Variants in SYNJ2 observed in about 807,000 individuals in gnomAD.
SYNJ2 encodes polyphosphatidylinositol phosphatase SYNJ2.
In SYNJ2, 116 loss-of-function variants were observed where a neutral mutation model predicts 141.3. That is an observed-to-expected ratio of 0.82 (90% CI 0.71 to 0.96). The LOEUF is 0.96. Among genes scored for constraint, SYNJ2 ranks in the 40% least tolerant of loss-of-function variants. The probability of loss-of-function intolerance (pLI) is 0.00; values close to 1 mark genes in which losing one functional copy is unlikely to be tolerated. For missense variants in SYNJ2, 1,873 were observed against 1,934.8 expected, an observed-to-expected ratio of 0.97 and a Z score of 0.60; for synonymous variants, 745 against 777.7, an observed-to-expected ratio of 0.96 and a Z score of 0.70.
At chr6:158,038,988 T>C (rs1779790235) in intron 4 of SYNJ2, among the ~76,000 whole-genome samples, 1 of 151,112 alleles carries the variant, frequency 6.6e-6, no homozygotes, top group Non-Finnish European at 1.5e-5. Context: ...TGGTGGGGGG[T>C]CAGCATTCCT....
At chr6:158,011,369 C>T (rs1298593285) in intron 1 of SYNJ2, among the ~76,000 whole-genome samples, 1 of 152,100 alleles carries the variant, frequency 6.6e-6, no homozygotes, top group African/African-American at 2.4e-5. Flanking sequence ...CTGGGGCCTC[C>T]CAGTTTGTTT....
At position 158,017,254 on chromosome 6, in the gene SYNJ2, G is replaced by A. The variant is rs778928276; in HGVS notation, c.178G>A (p.Ala60Thr). Residue 60 changes from alanine (A) to threonine (T), a missense_variant, in exon 2 of 27, where the codon GCG becomes ACG. Coordinates refer to ENST00000355585, the MANE Select transcript of SYNJ2 (RefSeq NM_003898.4). ...IKGQYGKLTDAYGCLGELRLK... is the reference protein window; with the variant it reads ...IKGQYGKLTDTYGCLGELRLK... Reference sequence around the variant, plus strand: ...AGGACAGTATGGCAAGCTCACGGACGCGTACGGCTGCCTGGGGGAGCTGAG... The same window carrying A: ...AGGACAGTATGGCAAGCTCACGGACACGTACGGCTGCCTGGGGGAGCTGAG... 49 of 1,613,840 alleles carry A rather than the reference G, an allele frequency of 3.0e-5. No homozygotes were observed. Among genetic ancestry groups the A allele is most frequent in the Middle Eastern group, 3.3e-4 (2 of 6,082 alleles).
At position 158,070,317 on chromosome 6, in the gene SYNJ2, A is replaced by T. The variant is rs1781840219; in HGVS notation, c.1940+644A>T. On this transcript the variant is annotated intron_variant, in intron 14 of 26. Coordinates refer to ENST00000355585, the MANE Select transcript of SYNJ2 (RefSeq NM_003898.4). The surrounding 1 kb of genome is among the most constrained non-coding windows in gnomAD (Gnocchi z 4.0). ...CAGCAGGCGTTGAACTGACCTCCCC[A>T]CTGAGCCCCTGGGTCCCGGGAAGGG... The T allele has an allele frequency of 7.1e-6, 7 of 985,288 alleles. No individual in the cohort carries two copies. Among genetic ancestry groups the T allele is most frequent in the African/African-American group, 1.7e-5 (1 of 57,162 alleles). 61.0% of individuals were successfully genotyped at this position (985,288 alleles called of 1,614,324 possible). A position where few individuals can be genotyped will look rare whatever the true frequency, so the allele number is the denominator to read the frequency against.
rs1470769647 is a variant in SYNJ2, at chr6:158,070,838, G to A, written c.1941-764G>A. Among the ~76,000 whole-genome samples, 4 of 152,174 alleles carry A rather than the reference G, an allele frequency of 2.6e-5. No homozygotes were observed. The highest frequency in any genetic ancestry group is 5.9e-5 in the Non-Finnish European group (4 of 68,036). On this transcript the variant is annotated intron_variant, in intron 14 of 26. Coordinates refer to ENST00000355585, the MANE Select transcript of SYNJ2 (RefSeq NM_003898.4). This position sits in a 1 kb window ranked among gnomAD's most constrained non-coding sequence, Gnocchi z 4.0. ...TCTGGCATTGCATAAAAGTCCTTTTGAGACCATCTACCCAGCCCAGCATAA... is the reference window on the plus strand; with the variant it reads ...TCTGGCATTGCATAAAAGTCCTTTTAAGACCATCTACCCAGCCCAGCATAA...
In SYNJ2 at chr6:158,096,585, C is replaced by T; in HGVS notation, c.*221C>T. 2.2e-6 allele frequency: 1 copy of T among 456,876 alleles called. No individual in the cohort carries two copies. The highest frequency in any genetic ancestry group is 3.8e-6 in the Non-Finnish European group (1 of 265,296). The allele number at this position is 456,876 out of a possible 1,614,324, so 28.3% of individuals were successfully genotyped here. On this transcript the variant is annotated 3_prime_UTR_variant, in exon 27 of 27. Coordinates refer to ENST00000355585, the MANE Select transcript of SYNJ2 (RefSeq NM_003898.4). ...AAGGCTTGTACATCTGAAGTTTGCT[C>T]TTCAAGGAATGGGAACCTTCCTGTT...
chr6:158,088,672 T>TG lies in SYNJ2; in HGVS notation c.3357dup (p.Lys1120GlufsTer42). 6.2e-7 allele frequency: 1 copy of TG among 1,613,960 alleles called. No individual in the cohort carries two copies. The highest frequency in any genetic ancestry group is 8.5e-7 in the Non-Finnish European group (1 of 1,179,936). ...TTGGTTTTTACAGCCGGTTTAATGG[T>TG]GAAAAAGTCGGCTTCAGATGCGTCC... On this transcript the variant is annotated frameshift_variant, in exon 24 of 27. Coordinates refer to ENST00000355585, the MANE Select transcript of SYNJ2 (RefSeq NM_003898.4). LOFTEE classifies it high-confidence loss of function.
chr6:158,078,364 C>A (rs1782457656), intron 18 of SYNJ2, 83 bp downstream of exon 18: 2 of 889,638 alleles, frequency 2.2e-6, no homozygotes, highest in African/African-American at 1.7e-5. Flanking sequence ...CATGCTGTCC[C>A]CATAAGGATG....
At position 158,061,911 on chromosome 6, in the gene SYNJ2, G is replaced by A. The variant is rs1056325115; in HGVS notation, c.955-81G>A. 4.4e-5 allele frequency: 62 copies of A among 1,424,918 alleles called. 1 individual carries two copies. Among genetic ancestry groups the A allele is most frequent in the Non-Finnish European group, 5.0e-5 (52 of 1,043,324 alleles). 88.3% of individuals were successfully genotyped at this position (1,424,918 alleles called of 1,614,324 possible). ...GGCGAGTCACCTTGGTTAGCCGCACGGGTCAAGCTCTGCAAGGAGCTTGCC... is the reference window on the plus strand; with the variant it reads ...GGCGAGTCACCTTGGTTAGCCGCACAGGTCAAGCTCTGCAAGGAGCTTGCC... On this transcript the variant is annotated intron_variant, in intron 7 of 26. Coordinates refer to ENST00000355585, the MANE Select transcript of SYNJ2 (RefSeq NM_003898.4).
At position 158,017,701 on chromosome 6, in the gene SYNJ2, C is replaced by T. The variant is rs541975870; in HGVS notation, c.214+411C>T. ...AAGTGCTGGGATTACAGCCATGAGC[C>T]GCCGTGCCTGGCCGACCTCTCTTCT... On this transcript the variant is annotated intron_variant, in intron 2 of 26. Coordinates refer to ENST00000355585, the MANE Select transcript of SYNJ2 (RefSeq NM_003898.4). The T allele has an allele frequency of 4.2e-4, 214 of 512,526 alleles. 1 individual carries two copies. The highest frequency in any genetic ancestry group is 4.3e-4 in the Non-Finnish European group (107 of 250,188). The allele number at this position is 512,526 out of a possible 1,614,324, so 31.7% of individuals were successfully genotyped here.
At chr6:158,055,527 G>A (rs1183723524) in intron 6 of SYNJ2, among the ~76,000 whole-genome samples, 1 of 151,946 alleles carries the variant, frequency 6.6e-6, no homozygotes, top group South Asian at 2.1e-4. Flanking sequence ...GTGTGTGTGT[G>A]TGTGTGTGTA....
In SYNJ2 at chr6:157,998,022, G is replaced by C. The variant is rs191019882; in HGVS notation, c.127+15934G>C. ...TGGTTGATCAGTGCAGTGCCTAAGA[G>C]GCCCCTGCTCTATTCAACTGGATAT... On this transcript the variant is annotated intron_variant, in intron 1 of 26. Transcript: ENST00000355585. Among the ~76,000 whole-genome samples the C allele has an allele frequency of 2.6e-3, 394 of 152,366 alleles. 1 individual carries two copies. The highest frequency in any genetic ancestry group is 9.0e-3 in the African/African-American group (376 of 41,586).
chr6:158,004,776 A>G, intron 1 of SYNJ2, among the ~76,000 whole-genome samples: 1 of 152,176 alleles, frequency 6.6e-6, no homozygotes. Flanking sequence ...CAGTAACACC[A>G]CGAGACTGCG....
At chr6:158,065,705 T>TG (rs980774279) in intron 11 of SYNJ2, among the ~76,000 whole-genome samples, 6 of 152,196 alleles carry the variant, frequency 3.9e-5, no homozygotes, top group Non-Finnish European at 7.4e-5. Context: ...TCACCGTCAC[T>TG]GGGGGAGCTC....
chr6:158,068,504 T>C, intron 12 of SYNJ2, 143 bp from the exon 13 acceptor site: 1 of 843,452 alleles, frequency 1.2e-6, no homozygotes. Context: ...ACTGGGGCAG[T>C]TCCCAGCAGC....
rs998281470 is a variant in SYNJ2 at position 158,069,653 on chromosome 6, A to G, written c.1920A>G (p.Pro640=). 6.2e-6 allele frequency: 10 copies of G among 1,613,428 alleles called. No individual in the cohort carries two copies. The Admixed American group carries it at 1.7e-4, about 27-fold the overall frequency. ...TCTGTCTTTATATCTTTGTACGTCCATACCATGTCCCGTTCATCAGGTAAG... is the reference window on the plus strand; with the variant it reads ...TCTGTCTTTATATCTTTGTACGTCCGTACCATGTCCCGTTCATCAGGTAAG... ...VGVCLYIFVR[P]YHVPFIRDVA... The change falls in exon 14 of 27, where the codon CCA becomes CCG. Residue 640 remains proline, a synonymous_variant. Transcript: ENST00000355585.
intron 4 of SYNJ2, among the ~76,000 whole-genome samples, chr6:158,035,858 T>G (rs1423634745): frequency 6.6e-6 from 1 of 151,626 alleles, no homozygotes; most frequent in Non-Finnish European, 1.5e-5. Flanking sequence ...GAAGAAACTA[T>G]CAACAGAGTG....
chr6:158,078,544 G>A (rs976168131), intron 18 of SYNJ2: 9 of 287,752 alleles, frequency 3.1e-5, no homozygotes, highest in African/African-American at 1.7e-4. Flanking sequence ...TGCAACCTAC[G>A]TATTTTGCGG....
intron 1 of SYNJ2, among the ~76,000 whole-genome samples, chr6:157,990,329 CCTTCTT>C (rs376845312): frequency 0.03 from 4,536 of 152,142 alleles, 207 homozygotes; most frequent in African/African-American, 0.1. Context: ...CTCTCTCATG[CCTTCTT>C]CTCCTTCTCC....
chr6:158,035,857 A>G (rs1034983652), intron 4 of SYNJ2, among the ~76,000 whole-genome samples: 9 of 152,192 alleles, frequency 5.9e-5, no homozygotes, highest in Non-Finnish European at 8.8e-5. Context: ...TGAAGAAACT[A>G]TCAACAGAGT....
Sources: gnomAD v4.1 joint callset for allele counts (sites outside exome capture counted in the v4.1 genomes callset) on GRCh38, gnomAD v4.1.1 for gene constraint, Gnocchi (gnomAD v3.1) non-coding constraint, MANE v1.5 for transcripts, NCBI Gene and HGNC (gene_info 2026-07-23, HGNC 2026-07-21) for gene names.